The following LRRC8C variants were observed in gnomAD, a reference collection of about 807,000 sequenced individuals.
LRRC8C encodes the protein leucine rich repeat containing 8 VRAC subunit C.
A neutral mutation model predicts 55.3 loss-of-function variants in LRRC8C; 20 were observed. The ratio of observed to expected loss-of-function variants is 0.36; its 90% confidence interval spans 0.25 to 0.53. LRRC8C has a LOEUF of 0.53. Among genes scored for constraint, LRRC8C ranks in the 20% least tolerant of loss-of-function variants. LRRC8C has a pLI of 0.92. For missense variants in LRRC8C, 659 were observed against 951.4 expected (o/e 0.69, Z 4.04); for synonymous variants, 376 against 360.7 (o/e 1.04, Z -0.48).
the LRRC8C span, chr1:89,626,954 A>G: frequency 7.3e-6 from 1 of 137,462 alleles, no homozygotes; most frequent in African/African-American, 2.9e-5. Flanking sequence ...CCAACCCTCT[A>G]GTCTAGACAC....
chr1:89,691,551 T>A (rs1161009185), intron 2 of LRRC8C, among the ~76,000 whole-genome samples: 1 of 152,226 alleles, frequency 6.6e-6, no homozygotes, highest in African/African-American at 2.4e-5. Flanking sequence ...GGAGTAACAC[T>A]GGCAAGAGAA....
chr1:89,637,072 C>T (rs892035619), intron 1 of LRRC8C, among the ~76,000 whole-genome samples: 1 of 152,088 alleles, frequency 6.6e-6, no homozygotes, highest in Non-Finnish European at 1.5e-5. Context: ...GGCTTCTCGA[C>T]TGGTTTAACT....
At chr1:89,648,293 A>T (rs939018047) in intron 1 of LRRC8C, among the ~76,000 whole-genome samples, 1 of 152,222 alleles carries the variant, frequency 6.6e-6, no homozygotes, top group Non-Finnish European at 1.5e-5. Flanking sequence ...TAAAATAATT[A>T]CTGTTCGTAT....
Position 89,717,371 on chromosome 1 carries a change from A to G in LRRC8C, c.*2389A>G, listed in dbSNP as rs1166803199. 4 of 152,270 alleles carry G rather than the reference A, an allele frequency of 2.6e-5. No homozygotes were observed. Among genetic ancestry groups the G allele is most frequent in the Non-Finnish European group, 4.4e-5 (3 of 68,022 alleles). The allele number at this position is 152,270 out of a possible 1,614,324, so 9.4% of individuals were successfully genotyped here. ...ATCTGGTGTTAACTAAAAATCTCAT[A>G]TGGGTTCATAACCGAGGTCACTAAT... On this transcript the variant is annotated 3_prime_UTR_variant, in exon 3 of 3. Transcript: ENST00000370454.
At chr1:89,702,258 A>G (rs181855365) in intron 2 of LRRC8C, among the ~76,000 whole-genome samples, 1 of 152,266 alleles carries the variant, frequency 6.6e-6, no homozygotes, top group Admixed American at 6.5e-5. Context: ...AGTGGAAAAC[A>G]TACACCTACT....
At chr1:89,706,346 G>A (rs1377292547) in intron 2 of LRRC8C, 2 of 455,872 alleles carry the variant, frequency 4.4e-6, no homozygotes, top group African/African-American at 2.0e-5. Flanking sequence ...TTTAACCTCA[G>A]CCCTTTGGTG....
intron 1 of LRRC8C, among the ~76,000 whole-genome samples, chr1:89,682,538 A>G (rs184160872): frequency 2.9e-4 from 44 of 152,302 alleles, no homozygotes; most frequent in African/African-American, 9.9e-4. Flanking sequence ...GACCCCATGA[A>G]GTCAAAACTG....
chr1:89,712,536 A>G (rs1658679006), intron 2 of LRRC8C, among the ~76,000 whole-genome samples, 173 bp from the exon 3 acceptor site: 1 of 152,178 alleles, frequency 6.6e-6, no homozygotes, highest in African/African-American at 2.4e-5. Flanking sequence ...CAGATATTTC[A>G]TTTTTCCAAT....
At chr1:89,639,727 G>A (rs539629507) in intron 1 of LRRC8C, among the ~76,000 whole-genome samples, 1 of 152,298 alleles carries the variant, frequency 6.6e-6, no homozygotes, top group East Asian at 1.9e-4. Context: ...AGTGTCTGGG[G>A]CATAGCTGCT....
At chr1:89,701,376 T>C (rs1658318148) in intron 2 of LRRC8C, among the ~76,000 whole-genome samples, 2 of 151,342 alleles carry the variant, frequency 1.3e-5, no homozygotes, top group African/African-American at 4.9e-5. Context: ...CTTGGGAGAC[T>C]GAGGCAGGAG....
In LRRC8C at chr1:89,714,037, G is replaced by A. The variant is rs771702445; in HGVS notation, c.1467G>A (p.Leu489=). ...VKIHSAALSF[L]KENLKVLSVK... is the part of the protein sequence containing the mutation. ...TCCACAGTGCGGCGCTCTCTTTCCT[G>A]AAGGAAAACCTCAAGGTCTTGAGCG... Residue 489 remains leucine, a synonymous_variant, in exon 3 of 3, where the codon CTG becomes CTA. Coordinates refer to ENST00000370454, the MANE Select transcript of LRRC8C (RefSeq NM_032270.5). The surrounding 1 kb of genome is among the most constrained non-coding windows in gnomAD (Gnocchi z 4.6). 6.8e-6 allele frequency: 11 copies of A among 1,613,742 alleles called. No homozygotes were observed. Among genetic ancestry groups the A allele is most frequent in the Non-Finnish European group, 7.6e-6 (9 of 1,180,026 alleles).
chr1:89,626,960 G>GACACACACAC, the LRRC8C span: 188 of 122,676 alleles, frequency 1.5e-3, 1 homozygote, highest in African/African-American at 4.6e-3. Context: ...CTCTAGTCTA[G>GACACACACAC]ACACACACAC....
chr1:89,621,574 A>T, the LRRC8C span, among the ~76,000 whole-genome samples: 1 of 152,178 alleles, frequency 6.6e-6, no homozygotes, highest in Non-Finnish European at 1.5e-5. Flanking sequence ...ATCTGAGGAA[A>T]AGTATTGTGA....
chr1:89,671,668 G>C (rs1218141481), intron 1 of LRRC8C, among the ~76,000 whole-genome samples: 2 of 152,172 alleles, frequency 1.3e-5, no homozygotes, highest in Non-Finnish European at 2.9e-5. Flanking sequence ...ATAGGCTATT[G>C]AGCCAGATTT....
chr1:89,712,955 T>C lies in LRRC8C; in HGVS notation c.385T>C (p.Tyr129His). The change falls in exon 3 of 3, where the codon TAC becomes CAC. Residue 129 changes from tyrosine (Y) to histidine (H), a missense_variant. By Grantham distance (83) the Tyr-to-His change is moderately conservative. Coordinates refer to ENST00000370454, the MANE Select transcript of LRRC8C (RefSeq NM_032270.5). ...ALHWYAKYFP[Y>H]LVLIHTLVFM... Reference sequence around the variant, plus strand: ...CCACTGGTATGCCAAGTATTTCCCTTACCTTGTCCTCATCCATACCCTGGT... The same window carrying C: ...CCACTGGTATGCCAAGTATTTCCCTCACCTTGTCCTCATCCATACCCTGGT... 6.2e-7 allele frequency: 1 copy of C among 1,613,674 alleles called. No individual in the cohort carries two copies. Among genetic ancestry groups the C allele is most frequent in the Non-Finnish European group, 8.5e-7 (1 of 1,180,032 alleles).
chr1:89,683,218 T>A lies in LRRC8C; in HGVS notation c.-4-3252T>A, dbSNP rs549574459. 3.3e-5 allele frequency among the ~76,000 whole-genome samples: 5 copies of A among 152,268 alleles called. No homozygotes were observed. In the South Asian group the frequency reaches 1.0e-3, roughly 32 times the overall value. ...TTTATTAGGATGAAATGTGTCAACA[T>A]TTGGAAGGTCTGGATAACTCAGTGA... On this transcript the variant is annotated intron_variant, in intron 1 of 2. Transcript: ENST00000370454.
At chr1:89,635,350 G>T (rs1656249600) in intron 1 of LRRC8C, among the ~76,000 whole-genome samples, 1 of 152,090 alleles carries the variant, frequency 6.6e-6, no homozygotes, top group South Asian at 2.1e-4. Flanking sequence ...ATTTTGCCAA[G>T]AATTGTGTTA....
At position 89,717,149 on chromosome 1, in the gene LRRC8C, G is replaced by A. The variant is rs1334874953; in HGVS notation, c.*2167G>A. ...TGTATTTAGAAACATAGCCCTATCT[G>A]TTTTAAACAAATAATTTGTTGGCCG... is the stretch of plus-strand genomic sequence containing the variant. On this transcript the variant is annotated 3_prime_UTR_variant, in exon 3 of 3. Coordinates refer to ENST00000370454, the MANE Select transcript of LRRC8C (RefSeq NM_032270.5). 6.6e-6 allele frequency: 1 copy of A among 152,120 alleles called. No individual in the cohort carries two copies. Among genetic ancestry groups the A allele is most frequent in the Non-Finnish European group, 1.5e-5 (1 of 68,002 alleles). 9.4% of individuals were successfully genotyped at this position (152,120 alleles called of 1,614,324 possible).
chr1:89,654,874 CTT>C (rs3068067), intron 1 of LRRC8C, among the ~76,000 whole-genome samples: 5 of 129,306 alleles, frequency 3.9e-5, no homozygotes, highest in Admixed American at 1.6e-4. Context: ...TTTAGTAAGC[CTT>C]TTTTTTTTTT....
Sources: allele counts gnomAD v4.1 joint callset (sites outside exome capture counted in the v4.1 genomes callset), GRCh38; gene constraint gnomAD v4.1.1; non-coding constraint Gnocchi (gnomAD v3.1); transcripts MANE v1.5; gene names NCBI Gene and HGNC (gene_info 2026-07-23, HGNC 2026-07-21).